The following ATP11A variants were observed in gnomAD, a reference collection of about 807,000 sequenced individuals.
The protein encoded by ATP11A is ATPase phospholipid transporting 11A.
A neutral mutation model predicts 154.4 loss-of-function variants in ATP11A; 81 were observed. That is an observed-to-expected ratio of 0.52 (90% CI 0.44 to 0.63). ATP11A has a LOEUF of 0.63. Among genes scored for constraint, ATP11A ranks in the 30% least tolerant of loss-of-function variants. The probability of loss-of-function intolerance (pLI) is 0.00; values close to 1 mark genes in which losing one functional copy is unlikely to be tolerated. For missense variants in ATP11A, 1,316 were observed against 1,474.3 expected, an observed-to-expected ratio of 0.89 and a Z score of 1.76; for synonymous variants, 623 against 585.9, an observed-to-expected ratio of 1.06 and a Z score of -0.91.
intron 11 of ATP11A, among the ~76,000 whole-genome samples, chr13:112,826,055 C>T (rs2078925538): frequency 1.3e-5 from 2 of 151,862 alleles, no homozygotes; most frequent in South Asian, 2.1e-4. Context: ...AAACCCAGAC[C>T]CATATCCACT....
chr13:112,834,424 T>C (rs2079177185), intron 14 of ATP11A, among the ~76,000 whole-genome samples, 165 bp from the exon 15 acceptor site: 2 of 152,218 alleles, frequency 1.3e-5, no homozygotes, highest in Admixed American at 1.3e-4. Context: ...GTGAATAAGT[T>C]CATTATGATA....
chr13:112,711,810 T>C (rs919406309), intron 1 of ATP11A, among the ~76,000 whole-genome samples: 1 of 152,244 alleles, frequency 6.6e-6, no homozygotes, highest in African/African-American at 2.4e-5. Context: ...GCTCTTGGAT[T>C]GCTGTGAACG....
intron 1 of ATP11A, among the ~76,000 whole-genome samples, chr13:112,772,879 C>G (rs183144462): frequency 6.6e-6 from 1 of 152,234 alleles, no homozygotes; most frequent in African/African-American, 2.4e-5. Flanking sequence ...CTTGTCTTTT[C>G]TATTTTTGAG....
rs1421155846 is a variant in ATP11A, at chr13:112,858,591, C to T, written c.2667+301C>T. 1.9e-5 allele frequency: 5 copies of T among 261,714 alleles called. No homozygotes were observed. In the East Asian group the frequency reaches 2.6e-4, roughly 13 times the overall value. The allele number at this position is 261,714 out of a possible 1,614,324, so 16.2% of individuals were successfully genotyped here. On this transcript the variant is annotated intron_variant, in intron 22 of 29. Coordinates refer to ENST00000375645, the MANE Select transcript of ATP11A (RefSeq NM_015205.3). ...TTCCGAGCAGCGTGATGAAGTCTCA[C>T]GCCGTCCTGCTGTCTCCTTCCTGGG...
At chr13:112,870,440 G>A (rs1013631703) in intron 25 of ATP11A, among the ~76,000 whole-genome samples, 6 of 152,278 alleles carry the variant, frequency 3.9e-5, no homozygotes, top group South Asian at 2.1e-4. Flanking sequence ...GTGTAGTGGC[G>A]TGATCTCTGC....
chr13:112,774,483 T>C (rs1178703596), intron 1 of ATP11A, among the ~76,000 whole-genome samples: 3 of 152,198 alleles, frequency 2.0e-5, no homozygotes, highest in Non-Finnish European at 2.9e-5. Context: ...CAGCAACTAT[T>C]TTAATCAGGG....
chr13:112,710,247 A>G (rs1301807247), intron 1 of ATP11A, among the ~76,000 whole-genome samples: 2 of 152,160 alleles, frequency 1.3e-5, no homozygotes, highest in Non-Finnish European at 2.9e-5. Flanking sequence ...GGCCCTTTGG[A>G]AAGGCTCTTT....
intron 1 of ATP11A, among the ~76,000 whole-genome samples, chr13:112,707,934 A>G (rs1192520480): frequency 6.6e-6 from 1 of 152,202 alleles, no homozygotes; most frequent in Non-Finnish European, 1.5e-5. Flanking sequence ...TTACATCTTG[A>G]GAAGTATGCT....
chr13:112,821,116 G>A (rs2078786400), intron 8 of ATP11A, among the ~76,000 whole-genome samples: 1 of 152,138 alleles, frequency 6.6e-6, no homozygotes, highest in South Asian at 2.1e-4. Context: ...TTGTATTTCT[G>A]TGTGCCGTGA....
At chr13:112,790,419 C>T (rs1333638924) in intron 2 of ATP11A, among the ~76,000 whole-genome samples, 3 of 151,484 alleles carry the variant, frequency 2.0e-5, no homozygotes, top group Non-Finnish European at 4.4e-5. Context: ...TGTGTAGACC[C>T]CTGTGGAGAC....
chr13:112,701,565 G>A (rs1201728914), intron 1 of ATP11A, among the ~76,000 whole-genome samples: 1 of 152,202 alleles, frequency 6.6e-6, no homozygotes, highest in African/African-American at 2.4e-5. Flanking sequence ...GGGCGCGGTG[G>A]CTCATGCCTG....
intron 2 of ATP11A, among the ~76,000 whole-genome samples, chr13:112,786,663 C>G (rs531978480): frequency 1.4e-5 from 2 of 147,574 alleles, no homozygotes; most frequent in African/African-American, 2.6e-5. Context: ...TAATGCGGAA[C>G]GCACGTGCCT....
chr13:112,880,851 GCA>G lies in ATP11A; in HGVS notation c.*10-1017_*10-1016del, dbSNP rs2080864819. 5 of 1,109,824 alleles carry G rather than the reference GCA, an allele frequency of 4.5e-6. No individual in the cohort carries two copies. In the South Asian group the frequency reaches 6.1e-5, roughly 13 times the overall value. 68.7% of individuals were successfully genotyped at this position (1,109,824 alleles called of 1,614,324 possible). On this transcript the variant is annotated intron_variant, in intron 29 of 29. Coordinates refer to ENST00000375645, the MANE Select transcript of ATP11A (RefSeq NM_015205.3). ...GCTGACCACACATGGAACATGCTGTGCACACACACGTGTGCACACTCACCCCA... is the reference window on the plus strand; with the variant it reads ...GCTGACCACACATGGAACATGCTGTGCACACACGTGTGCACACTCACCCCA...
chr13:112,803,574 G>A (rs1239408059), intron 2 of ATP11A, among the ~76,000 whole-genome samples: 2 of 133,226 alleles, frequency 1.5e-5, no homozygotes, highest in South Asian at 4.5e-4. Context: ...GTGAAGGTTC[G>A]TGACATCTGG....
rs2080034174 is a variant in ATP11A, at chr13:112,859,401, C to T, written c.2676C>T (p.Cys892=). Reference sequence around the variant, plus strand: ...TATGCCTTGCCTTTCAGAACGTCTGCTTCATCTTCCCTCAGTTTTTATACC... The same window carrying T: ...TATGCCTTGCCTTTCAGAACGTCTGTTTCATCTTCCCTCAGTTTTTATACC... ...LVQYFFYKNV[C]FIFPQFLYQF... is the part of the protein sequence containing the mutation. Residue 892 remains cysteine (C), a synonymous_variant, in exon 23 of 30, where the codon TGC becomes TGT. Coordinates refer to ENST00000375645, the MANE Select transcript of ATP11A (RefSeq NM_015205.3). The surrounding 1 kb of genome is among the most constrained non-coding windows in gnomAD (Gnocchi z 4.3). 3.1e-6 allele frequency: 5 copies of T among 1,613,946 alleles called. No individual in the cohort carries two copies. Among genetic ancestry groups the T allele is most frequent in the East Asian group, 2.2e-5 (1 of 44,866 alleles).
chr13:112,881,203 C>A (rs759697384), intron 29 of ATP11A: 112 of 989,392 alleles, frequency 1.1e-4, no homozygotes, highest in Non-Finnish European at 1.3e-4. Context: ...CAGACAGATG[C>A]GTGCTGCCGG....
chr13:112,862,522 T>C lies in ATP11A; in HGVS notation c.2938T>C (p.Phe980Leu), dbSNP rs760464646. ...LLGLFDALVFFFGAYFVFENT... is the reference protein window; with the variant it reads ...LLGLFDALVFLFGAYFVFENT... ...GGGACTGTTTGACGCACTGGTGTTC[T>C]TCTTTGGTGCTTATTTCGTGTTTGA... is the stretch of plus-strand genomic sequence containing the variant. Residue 980 changes from phenylalanine (F) to leucine (L), a missense_variant, in exon 25 of 30, where the codon TTC (phenylalanine) becomes CTC (leucine). By Grantham distance (22) the Phe-to-Leu change is conservative. Transcript: ENST00000375645. The C allele has an allele frequency of 8.7e-6, 14 of 1,614,108 alleles. No individual in the cohort carries two copies. Among genetic ancestry groups the C allele is most frequent in the Non-Finnish European group, 1.2e-5 (14 of 1,180,030 alleles).
At chr13:112,769,005 T>C (rs1476639367) in intron 1 of ATP11A, among the ~76,000 whole-genome samples, 1 of 152,040 alleles carries the variant, frequency 6.6e-6, no homozygotes, top group Non-Finnish European at 1.5e-5. Context: ...GTGTGACCCA[T>C]GGTGGAAAGT....
intron 2 of ATP11A, among the ~76,000 whole-genome samples, chr13:112,788,788 C>T (rs1477312148): frequency 6.6e-6 from 1 of 151,576 alleles, no homozygotes; most frequent in East Asian, 2.0e-4. Context: ...CGTGTAAACC[C>T]CTGTGTAGAT....
Sources: allele counts gnomAD v4.1 joint callset (sites outside exome capture counted in the v4.1 genomes callset), GRCh38; gene constraint gnomAD v4.1.1; non-coding constraint Gnocchi (gnomAD v3.1); transcripts MANE v1.5; gene names NCBI Gene and HGNC (gene_info 2026-07-23, HGNC 2026-07-21).